Variants in TDP1 observed in about 807,000 individuals in gnomAD.
TDP1 encodes the protein tyrosyl-DNA phosphodiesterase 1.
A neutral mutation model predicts 81.5 loss-of-function variants in TDP1; 64 were observed. The ratio of observed to expected loss-of-function variants is 0.79; its 90% CI spans 0.64 to 0.97. The LOEUF (loss-of-function observed/expected upper bound fraction) is 0.97. Among genes scored for constraint, TDP1 ranks in the 50% least tolerant of loss-of-function variants. The probability of loss-of-function intolerance (pLI) is 0.00; values close to 1 mark genes in which losing one functional copy is unlikely to be tolerated. For synonymous variants in TDP1, 256 were observed against 264.3 expected, an observed-to-expected ratio of 0.97 and a Z score of 0.30; for missense variants, 723 against 743.8, an observed-to-expected ratio of 0.97 and a Z score of 0.33.
intron 10 of TDP1, among the ~76,000 whole-genome samples, chr14:89,986,725 T>G (rs929554592): frequency 6.6e-6 from 1 of 152,186 alleles, no homozygotes; most frequent in African/African-American, 2.4e-5. Flanking sequence ...AAACTGGGTG[T>G]TGTAAGTTGT....
At chr14:89,992,365 T>C (rs746752) in intron 13 of TDP1, among the ~76,000 whole-genome samples, 2 of 152,098 alleles carry the variant, frequency 1.3e-5, no homozygotes, top group Non-Finnish European at 2.9e-5. Flanking sequence ...GGCAGATTCT[T>C]TGCTGCCGTT....
rs140711387 is a variant in TDP1, at chr14:90,019,347, T to C, written c.1573T>C (p.Leu525=). The change falls in exon 15 of 17, where the codon TTG becomes CTG. Residue 525 remains leucine (L), a synonymous_variant. Coordinates refer to ENST00000335725, the MANE Select transcript of TDP1 (RefSeq NM_018319.4). ...ANLSKAAWGA[L]EKNGTQLMIR... ...TCTGTCCAAGGCTGCCTGGGGAGCA[T>C]TGGAGAAGAATGGCACCCAGCTGAT... The C allele has an allele frequency of 3.8e-5, 62 of 1,612,320 alleles. No homozygotes were observed. The highest frequency in any genetic ancestry group is 5.0e-5 in the Non-Finnish European group (59 of 1,178,584).
At chr14:89,996,930 C>T (rs35849967) in intron 14 of TDP1, among the ~76,000 whole-genome samples, 2,309 of 152,250 alleles carry the variant, frequency 0.015, 64 homozygotes, top group African/African-American at 0.052. Flanking sequence ...GCAGTTCTAC[C>T]CATTACTCAG....
Position 89,971,249 on chromosome 14 carries a change from A to G in TDP1, c.734A>G (p.Tyr245Cys), listed in dbSNP as rs1893611604. 3 of 1,614,106 alleles carry G rather than the reference A, an allele frequency of 1.9e-6. No homozygotes were observed. The highest frequency in any genetic ancestry group is 1.7e-6 in the Non-Finnish European group (2 of 1,179,952). ...KAHLHAQAKP[Y>C]ENISLCQAKL... ...CACCTCCATGCCCAGGCCAAGCCTT[A>G]CGAGAACATCTCTCTCTGCCAGGTA... The change falls in exon 6 of 17, where the codon TAC becomes TGC. Residue 245 changes from tyrosine (Y) to cysteine (C), a missense_variant. Transcript: ENST00000335725.
chr14:90,030,881 T>G (rs951197318), intron 15 of TDP1, among the ~76,000 whole-genome samples: 2 of 152,022 alleles, frequency 1.3e-5, no homozygotes, highest in Non-Finnish European at 2.9e-5. Context: ...TTCTCCTGCC[T>G]CAGCCTCCCA....
At chr14:90,000,611 C>T (rs540026411) in intron 14 of TDP1, among the ~76,000 whole-genome samples, 1 of 152,180 alleles carries the variant, frequency 6.6e-6, no homozygotes, top group East Asian at 1.9e-4. Flanking sequence ...TCTTGAACTC[C>T]CGACCTCAGA....
rs538056710 is a variant in TDP1, at chr14:90,042,884, T to C, written c.1754-186T>C. ...TTTTCATTCCCCATGTTCACTCACCTAGTGTCCTAATAGGAGCCTTCGCTA... is the reference window on the plus strand; with the variant it reads ...TTTTCATTCCCCATGTTCACTCACCCAGTGTCCTAATAGGAGCCTTCGCTA... On this transcript the variant is annotated intron_variant, in intron 16 of 16. Transcript: ENST00000335725. The C allele has an allele frequency of 9.0e-5, 89 of 985,432 alleles. 2 individuals carry two copies. Among genetic ancestry groups the C allele is most frequent in the Middle Eastern group, 1.0e-3 (2 of 1,914 alleles). The allele number at this position is 985,432 out of a possible 1,614,324, so 61.0% of individuals were successfully genotyped here.
rs1566878676 is a variant in TDP1 at position 89,988,890 on chromosome 14, T to C, written c.1132-15T>C. ...TATTTGAGTCACTTTAACATTCACTTTTATTCTTTCCCAGCTTCTGAAAGA... is the reference window on the plus strand; with the variant it reads ...TATTTGAGTCACTTTAACATTCACTCTTATTCTTTCCCAGCTTCTGAAAGA... On this transcript the variant is annotated splice_polypyrimidine_tract_variant and intron_variant, in intron 10 of 16. Coordinates refer to ENST00000335725, the MANE Select transcript of TDP1 (RefSeq NM_018319.4). 1.9e-6 allele frequency: 3 copies of C among 1,613,870 alleles called. No individual in the cohort carries two copies. The highest frequency in any genetic ancestry group is 1.1e-5 in the South Asian group (1 of 91,084).
intron 7 of TDP1, among the ~76,000 whole-genome samples, chr14:89,976,194 C>A (rs576516548): frequency 6.6e-6 from 1 of 151,688 alleles, no homozygotes; most frequent in African/African-American, 2.4e-5. Flanking sequence ...CAGCCTCCAA[C>A]TCCTGGGCTT....
intron 16 of TDP1, among the ~76,000 whole-genome samples, chr14:90,037,597 A>G (rs1887952662): frequency 6.6e-6 from 1 of 152,220 alleles, no homozygotes; most frequent in Admixed American, 6.5e-5. Context: ...TCTTTACCCA[A>G]GTTCCTGAAT....
intron 12 of TDP1, among the ~76,000 whole-genome samples, chr14:89,989,996 T>A (rs182256819): frequency 6.6e-6 from 1 of 152,308 alleles, no homozygotes; most frequent in East Asian, 1.9e-4. Flanking sequence ...TTTTTACCAG[T>A]AAGGTAACCA....
At chr14:89,982,469 T>C (rs1765896740) in intron 8 of TDP1, among the ~76,000 whole-genome samples, 1 of 152,078 alleles carries the variant, frequency 6.6e-6, no homozygotes, top group African/African-American at 2.4e-5. Flanking sequence ...CATGAAACAA[T>C]GTTACTAAAG....
chr14:90,038,904 GTTT>G (rs10659096), intron 16 of TDP1, among the ~76,000 whole-genome samples: 1 of 146,536 alleles, frequency 6.8e-6, no homozygotes, highest in Non-Finnish European at 1.5e-5. Context: ...CAGAAATGAA[GTTT>G]TTTTTTTTTA....
intron 14 of TDP1, among the ~76,000 whole-genome samples, chr14:90,000,204 A>G (rs1378362507): frequency 1.3e-5 from 2 of 152,222 alleles, no homozygotes; most frequent in African/African-American, 2.4e-5. Flanking sequence ...GGAGACCAGC[A>G]GGAGGATCTA....
At chr14:90,032,154 A>G (rs1433962625) in intron 15 of TDP1, among the ~76,000 whole-genome samples, 2 of 152,202 alleles carry the variant, frequency 1.3e-5, no homozygotes, top group African/African-American at 4.8e-5. Context: ...ACTCAGCTTA[A>G]TAAATGCCAG....
chr14:89,972,903 A>C (rs1464976274), intron 6 of TDP1, among the ~76,000 whole-genome samples: 1 of 152,290 alleles, frequency 6.6e-6, no homozygotes, highest in South Asian at 2.1e-4. Context: ...AGTGAATTAC[A>C]TCCTTTCTGG....
At chr14:89,988,138 G>T (rs900257416) in intron 10 of TDP1, among the ~76,000 whole-genome samples, 3 of 152,172 alleles carry the variant, frequency 2.0e-5, no homozygotes, top group Non-Finnish European at 4.4e-5. Context: ...CAAGGTATAG[G>T]GGAAGGGGCA....
chr14:89,983,288 T>C, intron 8 of TDP1: 2 of 365,236 alleles, frequency 5.5e-6, no homozygotes, highest in South Asian at 4.1e-5. Context: ...TATAGTCAGC[T>C]AGTCGATCTG....
At chr14:89,979,483 T>C (rs2140064570) in intron 7 of TDP1, among the ~76,000 whole-genome samples, 1 of 152,230 alleles carries the variant, frequency 6.6e-6, no homozygotes, top group East Asian at 1.9e-4. Context: ...CTAATTTTTA[T>C]ATTTTTAGTG....
Sources: gnomAD v4.1 joint callset for allele counts (sites outside exome capture counted in the v4.1 genomes callset) on GRCh38, gnomAD v4.1.1 for gene constraint, MANE v1.5 for transcripts, NCBI Gene and HGNC (gene_info 2026-07-23, HGNC 2026-07-21) for gene names.